Variants in HDGFL3 observed in about 807,000 individuals in gnomAD.
HDGFL3 encodes HDGF like 3.
In HDGFL3, 6 loss-of-function variants were observed where a neutral mutation model predicts 27.6. That is an observed-to-expected ratio of 0.22 (90% CI 0.12 to 0.43). The LOEUF (loss-of-function observed/expected upper bound fraction) is 0.43. Ranked by LOEUF, HDGFL3 falls within the 20% of genes least tolerant of loss-of-function variation. The probability of loss-of-function intolerance (pLI) is 1.00; values close to 1 mark genes in which losing one functional copy is unlikely to be tolerated. For missense variants in HDGFL3, 207 were observed against 250.1 expected (o/e 0.83, Z 1.16); for synonymous variants, 88 against 88.9 (o/e 0.99, Z 0.05).
chr15:83,165,033 C>A (rs766713022), intron 1 of HDGFL3, among the ~76,000 whole-genome samples: 2 of 152,308 alleles, frequency 1.3e-5, no homozygotes, highest in African/African-American at 4.8e-5. Flanking sequence ...TAAACCACAA[C>A]AAAACTGCCA....
chr15:83,156,989 G>A (rs775484931), intron 4 of HDGFL3, among the ~76,000 whole-genome samples: 1 of 152,104 alleles, frequency 6.6e-6, no homozygotes, highest in Non-Finnish European at 1.5e-5. Context: ...GAGCCACCGC[G>A]CCCAGCCATG....
intron 1 of HDGFL3, among the ~76,000 whole-genome samples, chr15:83,176,017 C>A (rs1222882073): frequency 1.3e-5 from 2 of 152,218 alleles, no homozygotes; most frequent in Non-Finnish European, 2.9e-5. Context: ...ATGATAGGTA[C>A]CTAATCTCTG....
At chr15:83,122,058 T>A (rs1484808045) in intron 3 of HDGFL3, 2 of 1,357,820 alleles carry the variant, frequency 1.5e-6, no homozygotes, top group African/African-American at 2.9e-5. Context: ...TGGGGCTTGT[T>A]TTTAAATAGA....
In HDGFL3 at chr15:83,168,150, GC is replaced by G. The variant is rs566435628; in HGVS notation, c.85-4076del. The stretch of plus-strand genomic sequence containing the variant: ...AACATACCAAAATCTCAGGGATACA[GC>G]AAAAGCAGTGTTAAGAGGAAAGTTC... On this transcript the variant is annotated intron_variant, in intron 1 of 5. Coordinates refer to ENST00000299633, the MANE Select transcript of HDGFL3 (RefSeq NM_016073.4). 3.7e-3 allele frequency among the ~76,000 whole-genome samples: 557 copies of G among 152,270 alleles called. 3 individuals carry two copies. The highest frequency in any genetic ancestry group is 5.2e-3 in the Non-Finnish European group (355 of 68,016).
intron 1 of HDGFL3, chr15:83,192,418 T>C: frequency 4.9e-6 from 2 of 411,948 alleles, no homozygotes; most frequent in African/African-American, 2.1e-5. Context: ...AAAATACCAA[T>C]ATATGCCACA....
intron 5 of HDGFL3, among the ~76,000 whole-genome samples, chr15:83,148,017 T>G (rs931316992): frequency 6.6e-6 from 1 of 152,092 alleles, no homozygotes; most frequent in Non-Finnish European, 1.5e-5. Context: ...TCAATAAACA[T>G]GAAAGGCAGC....
At chr15:83,147,978 G>A (rs912963453) in intron 5 of HDGFL3, among the ~76,000 whole-genome samples, 2 of 152,074 alleles carry the variant, frequency 1.3e-5, no homozygotes, top group African/African-American at 4.8e-5. Context: ...CCCAAAACAC[G>A]CGCTGTACAG....
intron 5 of HDGFL3, among the ~76,000 whole-genome samples, chr15:83,146,054 G>C (rs748234490): frequency 5.7e-4 from 86 of 151,558 alleles, no homozygotes; most frequent in Non-Finnish European, 8.2e-4. Flanking sequence ...GTGACTACAA[G>C]TGTGCACCAC....
At chr15:83,147,322 A>G (rs2036910422) in intron 5 of HDGFL3, among the ~76,000 whole-genome samples, 1 of 152,080 alleles carries the variant, frequency 6.6e-6, no homozygotes, top group African/African-American at 2.4e-5. Context: ...GGCCTCCCAA[A>G]GTGCTGGGAC....
In HDGFL3 at chr15:83,137,731, C is replaced by A. The variant is rs1226511654; in HGVS notation, c.*1539G>T. On this transcript the variant is annotated 3_prime_UTR_variant, in exon 6 of 6. Transcript: ENST00000299633. Reference sequence around the variant, plus strand: ...ACTGTGCCCTGGAATGATAAATGGACTGGTGCTTTCATACCCTTAGCTGCC... The same window carrying A: ...ACTGTGCCCTGGAATGATAAATGGAATGGTGCTTTCATACCCTTAGCTGCC... 2.0e-5 allele frequency: 3 copies of A among 152,060 alleles called. No individual in the cohort carries two copies. The highest frequency in any genetic ancestry group is 7.2e-5 in the African/African-American group (3 of 41,418). 9.4% of individuals were successfully genotyped at this position (152,060 alleles called of 1,614,324 possible).
intron 1 of HDGFL3, among the ~76,000 whole-genome samples, chr15:83,183,805 A>T (rs1416365667): frequency 6.6e-6 from 1 of 151,428 alleles, no homozygotes; most frequent in Non-Finnish European, 1.5e-5. Flanking sequence ...CTGCAAAGAG[A>T]GTTTGGTAAG....
chr15:83,157,882 G>A, intron 3 of HDGFL3, 21 bp downstream of exon 3: 1 of 1,603,970 alleles, frequency 6.2e-7, no homozygotes, highest in Non-Finnish European at 8.5e-7. Flanking sequence ...TATAGCAAGT[G>A]ACAAGGAAGT....
rs1478598293 is a variant in HDGFL3, at chr15:83,138,416, A to T, written c.*854T>A. 2.6e-5 allele frequency: 4 copies of T among 152,416 alleles called. No individual in the cohort carries two copies. The highest frequency in any genetic ancestry group is 4.4e-5 in the Non-Finnish European group (3 of 68,022). 9.4% of individuals were successfully genotyped at this position (152,416 alleles called of 1,614,324 possible). A position where few individuals can be genotyped will look rare whatever the true frequency, so the allele number is the denominator to read the frequency against. ...ATAATGTACACATAATAATGGTTTA[A>T]GGATGAATATTAACTATTCTAATTG... is the stretch of plus-strand genomic sequence containing the variant. On this transcript the variant is annotated 3_prime_UTR_variant, in exon 6 of 6. Coordinates refer to ENST00000299633, the MANE Select transcript of HDGFL3 (RefSeq NM_016073.4).
At chr15:83,206,234 T>C (rs2037713196) in intron 1 of HDGFL3, among the ~76,000 whole-genome samples, 1 of 152,318 alleles carries the variant, frequency 6.6e-6, no homozygotes, top group African/African-American at 2.4e-5. Context: ...TTTTTTTTTC[T>C]TGATCTTGCT....
intron 2 of HDGFL3, among the ~76,000 whole-genome samples, chr15:83,159,363 C>T (rs1012089015): frequency 6.6e-6 from 1 of 152,216 alleles, no homozygotes; most frequent in African/African-American, 2.4e-5. Context: ...GAGCTTACTT[C>T]TCAAACTGAG....
At chr15:83,200,608 T>C (rs1184862819) in intron 1 of HDGFL3, among the ~76,000 whole-genome samples, 1 of 152,238 alleles carries the variant, frequency 6.6e-6, no homozygotes, top group Non-Finnish European at 1.5e-5. Flanking sequence ...AGTTCTTTCA[T>C]ATACATTTTA....
exon 4 of HDGFL3, chr15:83,113,302 A>G: frequency 4.7e-6 from 1 of 213,308 alleles, no homozygotes; most frequent in Non-Finnish European, 9.6e-6. Flanking sequence ...ATGAAGAGGA[A>G]AATAATGGAA....
At position 83,112,888 on chromosome 15, in the gene HDGFL3, C is replaced by T. The variant is rs1414965721; in HGVS notation, c.*2821G>A. On this transcript the variant is annotated 3_prime_UTR_variant, in exon 4 of 4. Coordinates refer to the HDGFL3 transcript ENST00000568294. ...CGTCAAAAGAAAACCACCCCGGGAC[C>T]CACTGTTCTATGGTACGTCTCCACA... 1.9e-6 allele frequency: 3 copies of T among 1,613,542 alleles called. 1 individual carries two copies. The highest frequency in any genetic ancestry group is 2.5e-6 in the Non-Finnish European group (3 of 1,179,436).
At chr15:83,118,498 G>A (rs2034905891) in intron 3 of HDGFL3, among the ~76,000 whole-genome samples, 3 of 152,210 alleles carry the variant, frequency 2.0e-5, no homozygotes, top group Admixed American at 2.0e-4. Flanking sequence ...AAGTCCAAGA[G>A]AAGGGACGTG....
Sources: gnomAD v4.1 joint callset for allele counts (sites outside exome capture counted in the v4.1 genomes callset) on GRCh38, gnomAD v4.1.1 for gene constraint, MANE v1.5 for transcripts, NCBI Gene and HGNC (gene_info 2026-07-23, HGNC 2026-07-21) for gene names.